Variants in GRM3 observed in about 807,000 individuals in gnomAD.
GRM3 encodes glutamate metabotropic receptor 3, also known as metabotropic glutamate receptor 3.
Under a neutral mutation model 70.5 loss-of-function variants are expected in GRM3, and 26 were observed. That is an observed-to-expected ratio of 0.37 (90% CI 0.27 to 0.51). The LOEUF is 0.51. Among genes scored for constraint, GRM3 ranks in the 20% least tolerant of loss-of-function variants. The probability of loss-of-function intolerance (pLI) is 0.93; values close to 1 mark genes in which losing one functional copy is unlikely to be tolerated. For synonymous variants in GRM3, 443 were observed against 434.9 expected, an observed-to-expected ratio of 1.02 and a Z score of -0.23; for missense variants, 859 against 1,123.8, an observed-to-expected ratio of 0.76 and a Z score of 3.37.
intron 3 of GRM3, among the ~76,000 whole-genome samples, chr7:86,824,827 C>CAGATAGAT (rs34299581): frequency 7.2e-5 from 11 of 151,760 alleles, no homozygotes; most frequent in Non-Finnish European, 1.6e-4. Context: ...CATATATATA[C>CAGATAGAT]AGATAGATAG....
At chr7:86,836,974 C>A (rs1335872460) in intron 3 of GRM3, among the ~76,000 whole-genome samples, 2 of 152,042 alleles carry the variant, frequency 1.3e-5, no homozygotes, top group Non-Finnish European at 2.9e-5. Flanking sequence ...AACTTGAAAC[C>A]AATTCACAAC....
In GRM3 at chr7:86,864,331, C is replaced by G. The variant is rs745443013; in HGVS notation, c.2616C>G (p.Leu872=). ...CGGTGTGCAATGGGCGGGAAGTCCT[C>G]GACTCCACCACCTCATCTCTGTGAT... The part of the protein sequence containing the change: ...VPTVCNGREV[L]DSTTSSL The change falls in exon 6 of 6, where the codon CTC becomes CTG. Residue 872 remains leucine (L), a synonymous_variant. Transcript: ENST00000361669. 15 of 1,611,110 alleles carry G rather than the reference C, an allele frequency of 9.3e-6. No individual in the cohort carries two copies. In the East Asian group the frequency reaches 3.3e-4, roughly 36 times the overall value.
intron 3 of GRM3, among the ~76,000 whole-genome samples, chr7:86,801,003 T>G (rs964973648): frequency 7.9e-5 from 12 of 151,700 alleles, no homozygotes; most frequent in Non-Finnish European, 1.5e-4. Context: ...TCTACCCCTA[T>G]AGTAAACAAG....
In GRM3 at chr7:86,765,531, A is replaced by G; in HGVS notation, c.386A>G (p.Asp129Gly). 6.2e-7 allele frequency: 1 copy of G among 1,613,800 alleles called. No individual in the cohort carries two copies. The highest frequency in any genetic ancestry group is 8.5e-7 in the Non-Finnish European group (1 of 1,179,802). The stretch of plus-strand genomic sequence containing the variant: ...GATGAAGCTGAGTATATGTGTCCTG[A>G]TGGATCCTATGCCATTCAAGAAAAC... ...KVDEAEYMCP[D>G]GSYAIQENIP... is the part of the protein sequence containing the mutation. The change falls in exon 2 of 6, where the codon GAT (aspartate) becomes GGT (glycine). Residue 129 changes from aspartate to glycine, a missense_variant. Physicochemically the swap from Asp to Gly is moderately conservative, Grantham distance 94. Transcript: ENST00000361669.
chr7:86,843,977 A>C (rs1443196136), intron 4 of GRM3, among the ~76,000 whole-genome samples: 1 of 152,176 alleles, frequency 6.6e-6, no homozygotes, highest in Non-Finnish European at 1.5e-5. Context: ...AGGACCAAGA[A>C]TCTCGATATC....
At chr7:86,711,225 T>C (rs1027915249) in intron 1 of GRM3, among the ~76,000 whole-genome samples, 1 of 151,976 alleles carries the variant, frequency 6.6e-6, no homozygotes, top group Non-Finnish European at 1.5e-5. Context: ...AGGGTACATT[T>C]GTGATAGAAC....
chr7:86,700,414 C>A (rs1527762), intron 1 of GRM3, among the ~76,000 whole-genome samples: 30,025 of 151,622 alleles, frequency 0.2, 3,022 homozygotes, highest in African/African-American at 0.22. Flanking sequence ...TTTTTAATTG[C>A]GAGGTGAAAT....
At chr7:86,765,717 C>A in intron 2 of GRM3, 104 bp downstream of exon 2, 1 of 866,888 alleles carries the variant, frequency 1.2e-6, no homozygotes, top group Non-Finnish European at 1.7e-6. Context: ...CGGATTATAT[C>A]AACAATGCAA....
At chr7:86,736,501 G>C (rs1025098166) in intron 1 of GRM3, among the ~76,000 whole-genome samples, 1 of 152,218 alleles carries the variant, frequency 6.6e-6, no homozygotes, top group Non-Finnish European at 1.5e-5. Context: ...TTTTGAGACA[G>C]AGTCGTGCTC....
chr7:86,747,058 G>A (rs1225954767), intron 1 of GRM3, among the ~76,000 whole-genome samples: 2 of 152,066 alleles, frequency 1.3e-5, no homozygotes, highest in African/African-American at 2.4e-5. Flanking sequence ...ACTGCTCTAA[G>A]CACTCATAGG....
At position 86,786,876 on chromosome 7, in the gene GRM3, A is replaced by T. The variant is rs372819130; in HGVS notation, c.1084A>T (p.Ser362Cys). ...CTTCTGGGAGCAAAAGTTTCAGTGC[A>T]GCCTCCAGAACAAACGCAACCACAG... ...RDFWEQKFQCSLQNKRNHRRV... is the reference protein window; with the variant it reads ...RDFWEQKFQCCLQNKRNHRRV... The change falls in exon 3 of 6, where the codon AGC (serine) becomes TGC (cysteine). Residue 362 changes from serine to cysteine, a missense_variant. By Grantham distance (112) the Ser-to-Cys change is moderately radical. Transcript: ENST00000361669. This position sits in a 1 kb window ranked among gnomAD's most constrained non-coding sequence, Gnocchi z 6.0. 6.2e-7 allele frequency: 1 copy of T among 1,614,246 alleles called. No homozygotes were observed. The highest frequency in any genetic ancestry group is 1.3e-5 in the African/African-American group (1 of 75,072).
At chr7:86,654,650 G>A (rs1793689727) in intron 1 of GRM3, among the ~76,000 whole-genome samples, 1 of 152,158 alleles carries the variant, frequency 6.6e-6, no homozygotes, top group Admixed American at 6.6e-5. Context: ...TTAGTCCTCT[G>A]TTGATTCCTT....
intron 1 of GRM3, among the ~76,000 whole-genome samples, chr7:86,688,769 TATA>T (rs1794626472): frequency 6.7e-6 from 1 of 148,184 alleles, no homozygotes; most frequent in Non-Finnish European, 1.5e-5. Context: ...CTCTCACATA[TATA>T]ATATGTGATA....
chr7:86,799,467 A>C (rs1336843090), intron 3 of GRM3, among the ~76,000 whole-genome samples: 1 of 152,062 alleles, frequency 6.6e-6, no homozygotes, highest in African/African-American at 2.4e-5. Context: ...CCCATTCAGT[A>C]TGATATTGCC....
intron 1 of GRM3, among the ~76,000 whole-genome samples, chr7:86,762,782 G>A (rs897347254): frequency 3.9e-5 from 6 of 152,006 alleles, no homozygotes; most frequent in African/African-American, 1.4e-4. Flanking sequence ...GGAGAAATTG[G>A]TATAGAAGGA....
At chr7:86,779,414 A>G (rs1796983166) in intron 2 of GRM3, among the ~76,000 whole-genome samples, 1 of 152,120 alleles carries the variant, frequency 6.6e-6, no homozygotes, top group South Asian at 2.1e-4. Flanking sequence ...GTGCATGTGC[A>G]CACGTGCGCA....
rs183371129 is a variant in GRM3 at position 86,758,726 on chromosome 7, T to C, written c.-140-6280T>C. On this transcript the variant is annotated intron_variant, in intron 1 of 5. Transcript: ENST00000361669. ...CCTACCTCATAAAATCATTTTCCTC[T>C]AAATTCAGAAGATAAAGAAAATAGG... Among the ~76,000 whole-genome samples, 7 of 152,284 alleles carry C rather than the reference T, an allele frequency of 4.6e-5. No homozygotes were observed. The East Asian group carries it at 1.4e-3, about 29-fold the overall frequency.
At chr7:86,644,978 C>A in intron 1 of GRM3, 106 bp downstream of exon 1, 3 of 468,250 alleles carry the variant, frequency 6.4e-6, no homozygotes, top group Admixed American at 2.8e-5. Flanking sequence ...TGAGGTAGAG[C>A]ATGGACCAGT....
At chr7:86,826,371 CT>C (rs1214961684) in intron 3 of GRM3, among the ~76,000 whole-genome samples, 1 of 152,188 alleles carries the variant, frequency 6.6e-6, no homozygotes, top group African/African-American at 2.4e-5. Context: ...GAATTTGCTT[CT>C]TTCCTAAGAG....
Sources: gnomAD v4.1 joint callset for allele counts (sites outside exome capture counted in the v4.1 genomes callset) on GRCh38, gnomAD v4.1.1 for gene constraint, Gnocchi (gnomAD v3.1) non-coding constraint, MANE v1.5 for transcripts, NCBI Gene and HGNC (gene_info 2026-07-23, HGNC 2026-07-21) for gene names.